The following CTNNA3 variants were observed in gnomAD, a reference collection of about 807,000 sequenced individuals.
The protein encoded by CTNNA3 is catenin alpha-3.
In CTNNA3, 76 loss-of-function variants were observed where a neutral mutation model predicts 95.7. The ratio of observed to expected loss-of-function variants is 0.79; its 90% CI spans 0.66 to 0.96. The LOEUF (loss-of-function observed/expected upper bound fraction) is 0.96, where lower values mean the gene tolerates loss of function less well. CTNNA3 is among the 40% of genes least tolerant of loss of function. CTNNA3 has a pLI of 0.00. For synonymous variants in CTNNA3, 431 were observed against 374.4 expected (o/e 1.15, Z -1.74); for missense variants, 1,191 against 1,089.8 (o/e 1.09, Z -1.31).
intron 7 of CTNNA3, among the ~76,000 whole-genome samples, chr10:67,070,501 C>T (rs1214360929): frequency 6.6e-6 from 1 of 152,020 alleles, no homozygotes; most frequent in African/African-American, 2.4e-5. Context: ...GTAATCTCAG[C>T]ACTTTGGGAG....
rs553770941 is a variant in CTNNA3 at position 66,680,329 on chromosome 10, C to T, written c.1282-58545G>A. On this transcript the variant is annotated intron_variant, in intron 9 of 17. Transcript: ENST00000433211. ...ACAGACATCAGCCACCACACCTGGC[C>T]AGTGAGCCTTATTCTTAATCACATC... Among the ~76,000 whole-genome samples the T allele has an allele frequency of 7.9e-5, 12 of 152,112 alleles. No homozygotes were observed. The South Asian group carries it at 1.9e-3, about 24-fold the overall frequency.
At chr10:67,613,410 C>T (rs1204198120) in intron 2 of CTNNA3, among the ~76,000 whole-genome samples, 1 of 151,828 alleles carries the variant, frequency 6.6e-6, no homozygotes, top group African/African-American at 2.4e-5. Context: ...ATTTTAGAAG[C>T]CTTTAAATCA....
At chr10:67,711,747 C>T (rs1841111140) in intron 1 of CTNNA3, among the ~76,000 whole-genome samples, 1 of 128,620 alleles carries the variant, frequency 7.8e-6, no homozygotes, top group Non-Finnish European at 1.6e-5. Flanking sequence ...CCCCACCCCA[C>T]AACTGTCCCC....
intron 13 of CTNNA3, among the ~76,000 whole-genome samples, chr10:66,249,702 A>G (rs554557262): frequency 7.2e-5 from 11 of 152,298 alleles, no homozygotes; most frequent in East Asian, 3.9e-4. Flanking sequence ...TAGTACAACC[A>G]CCATGAAAAA....
In CTNNA3 at chr10:67,467,472, T is replaced by TAA. The variant is rs150721366; in HGVS notation, c.579+54368_579+54369dup. On this transcript the variant is annotated intron_variant, in intron 5 of 17. Transcript: ENST00000433211. Reference sequence around the variant, plus strand: ...CATGCCATTCAAATATTGCTTTTTTTAAAAAAAAATCCTTTATTATCTACC... The same window carrying TAA: ...CATGCCATTCAAATATTGCTTTTTTTAAAAAAAAAAATCCTTTATTATCTACC... Among the ~76,000 whole-genome samples the TAA allele has an allele frequency of 2.0e-5, 3 of 151,526 alleles. No homozygotes were observed. The East Asian group carries it at 5.8e-4, about 30-fold the overall frequency.
chr10:67,561,653 G>A (rs1242615678), intron 3 of CTNNA3, among the ~76,000 whole-genome samples: 5 of 150,516 alleles, frequency 3.3e-5, no homozygotes, highest in South Asian at 2.1e-4. Flanking sequence ...AGAACTGAAG[G>A]AAATAGAGAC....
At chr10:66,185,363 G>A (rs192537864) in intron 13 of CTNNA3, among the ~76,000 whole-genome samples, 1 of 151,966 alleles carries the variant, frequency 6.6e-6, no homozygotes. Flanking sequence ...TAATAGTTAG[G>A]ATACCTTTTA....
At chr10:67,602,254 T>TAAAA (rs1843106895) in intron 3 of CTNNA3, among the ~76,000 whole-genome samples, 1 of 152,102 alleles carries the variant, frequency 6.6e-6, no homozygotes, top group South Asian at 2.1e-4. Context: ...TTTGTAGAGT[T>TAAAA]TATTGGATCA....
intron 5 of CTNNA3, among the ~76,000 whole-genome samples, chr10:67,350,910 G>GTGTGTATATATATATA (rs146861544): frequency 7.1e-6 from 1 of 141,806 alleles, no homozygotes; most frequent in African/African-American, 2.6e-5. Context: ...AAAAGTATGT[G>GTGTGTATATATATATA]TATATATATA....
At chr10:66,555,692 G>C (rs1460931717) in intron 10 of CTNNA3, among the ~76,000 whole-genome samples, 1 of 151,796 alleles carries the variant, frequency 6.6e-6, no homozygotes, top group African/African-American at 2.4e-5. Context: ...GAGAAGTTTA[G>C]TCCAAATTAC....
In CTNNA3 at chr10:67,742,387, G is replaced by A. The variant is rs370164803; in HGVS notation, c.-2+21047C>T. ...CAACTACATGGAAACTGAACAACCCGCTCCTGAATGACTACTGGGTACATA... is the reference window on the plus strand; with the variant it reads ...CAACTACATGGAAACTGAACAACCCACTCCTGAATGACTACTGGGTACATA... On this transcript the variant is annotated intron_variant, in intron 1 of 17. Coordinates refer to the CTNNA3 transcript ENST00000684154. Among the ~76,000 whole-genome samples, 90 of 151,118 alleles carry A rather than the reference G, an allele frequency of 6.0e-4. 2 individuals carry two copies. Among genetic ancestry groups the A allele is most frequent in the Non-Finnish European group, 7.2e-4 (49 of 67,624 alleles).
At chr10:66,523,935 C>T (rs1841158252) in intron 10 of CTNNA3, among the ~76,000 whole-genome samples, 1 of 152,152 alleles carries the variant, frequency 6.6e-6, no homozygotes, top group African/African-American at 2.4e-5. Flanking sequence ...TAGTCTAAAA[C>T]CGTCCCCAGG....
Position 66,696,811 on chromosome 10 carries a change from C to T in CTNNA3, c.1281+69453G>A, listed in dbSNP as rs776225634. Among the ~76,000 whole-genome samples, 12 of 151,888 alleles carry T rather than the reference C, an allele frequency of 7.9e-5. No individual in the cohort carries two copies. The Middle Eastern group carries it at 0.014, about 175-fold the overall frequency. On this transcript the variant is annotated intron_variant, in intron 9 of 17. Coordinates refer to ENST00000433211, the MANE Select transcript of CTNNA3 (RefSeq NM_013266.4). ...AGAATTATCCAAGCATGGTGGTGTG[C>T]GCCTGTAGTCCCAGCTACTCAGGAG...
intron 11 of CTNNA3, among the ~76,000 whole-genome samples, chr10:66,507,781 T>C (rs1436351559): frequency 6.6e-6 from 1 of 152,162 alleles, no homozygotes; most frequent in African/African-American, 2.4e-5. Context: ...TTCCATACCC[T>C]GGCTATTGAG....
intron 7 of CTNNA3, among the ~76,000 whole-genome samples, chr10:67,161,072 G>T (rs1035476691): frequency 4.6e-5 from 7 of 152,102 alleles, no homozygotes; most frequent in Non-Finnish European, 8.8e-5. Context: ...TAAAGTTTAA[G>T]ATATGCAAAA....
intron 11 of CTNNA3, among the ~76,000 whole-genome samples, chr10:66,385,384 A>T (rs1307013406): frequency 1.3e-5 from 2 of 152,180 alleles, no homozygotes; most frequent in Non-Finnish European, 2.9e-5. Context: ...TCCCAAGACT[A>T]AACCAGGAAG....
At chr10:67,402,329 G>A (rs1053359485) in intron 5 of CTNNA3, among the ~76,000 whole-genome samples, 1 of 152,254 alleles carries the variant, frequency 6.6e-6, no homozygotes, top group South Asian at 2.1e-4. Flanking sequence ...AATAGACCAA[G>A]CTGAGGAAAG....
At chr10:66,853,539 A>G (rs530054618) in intron 7 of CTNNA3, among the ~76,000 whole-genome samples, 1 of 152,252 alleles carries the variant, frequency 6.6e-6, no homozygotes, top group African/African-American at 2.4e-5. Flanking sequence ...TAATTTTAAC[A>G]CAAACCAATG....
At chr10:67,280,239 C>T (rs538829693) in intron 5 of CTNNA3, among the ~76,000 whole-genome samples, 3 of 150,386 alleles carry the variant, frequency 2.0e-5, no homozygotes, top group Admixed American at 6.6e-5. Context: ...TTTTGTCCCC[C>T]GCCCTGAAAT....
Sources: allele counts gnomAD v4.1 joint callset (sites outside exome capture counted in the v4.1 genomes callset), GRCh38; gene constraint gnomAD v4.1.1; transcripts MANE v1.5; gene names NCBI Gene and HGNC (gene_info 2026-07-23, HGNC 2026-07-21).